Variants in CACNA1G observed in about 807,000 individuals in gnomAD.
CACNA1G encodes the protein calcium voltage-gated channel subunit alpha1 G, also known as voltage-dependent T-type calcium channel subunit alpha-1G.
Under a neutral mutation model 219.4 loss-of-function variants are expected in CACNA1G, and 67 were observed. That is an observed-to-expected ratio of 0.31 (90% CI 0.25 to 0.37). The LOEUF is 0.37. CACNA1G is among the 10% of genes least tolerant of loss of function. The pLI, the probability that CACNA1G is intolerant of heterozygous loss-of-function variation, is 1.00. For missense variants in CACNA1G, 2,380 were observed against 3,231.4 expected, an observed-to-expected ratio of 0.74 and a Z score of 6.39; for synonymous variants, 1,296 against 1,345.3, an observed-to-expected ratio of 0.96 and a Z score of 0.80.
chr17:50,575,864 C>T lies in CACNA1G; in HGVS notation c.1462C>T (p.Arg488Cys), dbSNP rs750863777. The change falls in exon 8 of 38, where the codon CGC becomes TGC. Residue 488 changes from arginine to cysteine, a missense_variant. Arg to Cys is a radical substitution (Grantham distance 180, BLOSUM62 -3). Transcript: ENST00000359106. ...PSSSCSRSHR[R>C]LSVHHLVHHH... ...CAGCAGCTGCTCTCGCTCCCACCGC[C>T]GCCTATCCGTCCACCACCTGGTGCA... 1.8e-5 allele frequency: 28 copies of T among 1,551,278 alleles called. No homozygotes were observed. The highest frequency in any genetic ancestry group is 8.3e-5 in the South Asian group (7 of 84,372).
chr17:50,590,420 C>G lies in CACNA1G; in HGVS notation c.2302-51C>G, dbSNP rs142761441. ...GTGTCCCATGTTTGGAGGACTGGAT[C>G]GAGGGGCTCAGTGATAAGCCAGCTG... On this transcript the variant is annotated intron_variant, in intron 9 of 37. Coordinates refer to ENST00000359106, the MANE Select transcript of CACNA1G (RefSeq NM_018896.5). 227 of 1,602,410 alleles carry G rather than the reference C, an allele frequency of 1.4e-4. No individual in the cohort carries two copies. In the African/African-American group the frequency reaches 2.6e-3, roughly 19 times the overall value.
In CACNA1G at chr17:50,621,595, T is replaced by TGCGTGTGCACGC. The variant is rs1392306361; in HGVS notation, c.5926-56_5926-45dup. 6.4e-7 allele frequency: 1 copy of TGCGTGTGCACGC among 1,563,332 alleles called. No individual in the cohort carries two copies. The highest frequency in any genetic ancestry group is 1.1e-5 in the South Asian group (1 of 88,148). On this transcript the variant is annotated intron_variant, in intron 34 of 37. Coordinates refer to ENST00000359106, the MANE Select transcript of CACNA1G (RefSeq NM_018896.5). This position sits in a 1 kb window ranked among gnomAD's most constrained non-coding sequence, Gnocchi z 4.6. ...TGGGGACTGAGAGAGAGCGCGTGTG[T>TGCGTGTGCACGC]GCGTGTGCACGCGCGTGTGCGCTGT... is the stretch of plus-strand genomic sequence containing the variant.
At chr17:50,566,644 A>T (rs2240220) in intron 1 of CACNA1G, among the ~76,000 whole-genome samples, 8,460 of 152,334 alleles carry the variant, frequency 0.056, 335 homozygotes, top group Non-Finnish European at 0.087. Flanking sequence ...CAAGGGAAAC[A>T]AGGCAGGAAG....
chr17:50,565,829 G>A lies in CACNA1G; in HGVS notation c.243-3041G>A, dbSNP rs181798982. Among the ~76,000 whole-genome samples the A allele has an allele frequency of 2.7e-3, 416 of 152,318 alleles. 4 individuals are homozygous for A. Among genetic ancestry groups the A allele is most frequent in the Non-Finnish European group, 1.7e-3 (119 of 68,020 alleles). On this transcript the variant is annotated intron_variant, in intron 1 of 37. Transcript: ENST00000359106. ...TGCTCTAGTTCTCTCTCCCAGGAGGGAGGAAAGGAGGAGGGATGGAAGTGG... is the reference window on the plus strand; with the variant it reads ...TGCTCTAGTTCTCTCTCCCAGGAGGAAGGAAAGGAGGAGGGATGGAAGTGG...
At chr17:50,623,078 G>A (rs2052557728) in intron 35 of CACNA1G, among the ~76,000 whole-genome samples, 1 of 149,596 alleles carries the variant, frequency 6.7e-6, no homozygotes, top group South Asian at 2.1e-4. Flanking sequence ...AGGGTCGTAG[G>A]GGCTGCTGTT....
At chr17:50,597,066 T>A in intron 16 of CACNA1G, 143 bp downstream of exon 16, 1 of 824,158 alleles carries the variant, frequency 1.2e-6, no homozygotes, top group Non-Finnish European at 1.8e-6. Flanking sequence ...GACAAGCCCC[T>A]GGGGAATCTG....
In CACNA1G at chr17:50,617,320, G is replaced by C. The variant is rs1416644009; in HGVS notation, c.5022-118G>C. The C allele has an allele frequency of 1.7e-6, 2 of 1,153,170 alleles. No individual in the cohort carries two copies. Among genetic ancestry groups the C allele is most frequent in the Non-Finnish European group, 2.4e-6 (2 of 825,016 alleles). The allele number at this position is 1,153,170 out of a possible 1,614,324, so 71.4% of individuals were successfully genotyped here. ...GCCACGCCTCTTCTCTGTGGGATGG[G>C]AGGCTGGACCCGCTGATGTCTGCCC... is the stretch of plus-strand genomic sequence containing the variant. On this transcript the variant is annotated intron_variant, in intron 28 of 37. Transcript: ENST00000359106. This position sits in a 1 kb window ranked among gnomAD's most constrained non-coding sequence, Gnocchi z 5.8.
chr17:50,604,215 A>G lies in CACNA1G; in HGVS notation c.4230A>G (p.Lys1410=), dbSNP rs1176469213. ...LVVETLMSSL[K]PIGNIVVICC... is the part of the protein sequence containing the mutation. ...TGGAGACGCTGATGTCCTCACTGAA[A>G]CCCATCGGCAACATTGTAGTCATCT... Residue 1410 remains lysine, a synonymous_variant, in exon 22 of 38, where the codon AAA becomes AAG. Coordinates refer to ENST00000359106, the MANE Select transcript of CACNA1G (RefSeq NM_018896.5). The G allele has an allele frequency of 9.9e-6, 16 of 1,613,282 alleles. No homozygotes were observed. The highest frequency in any genetic ancestry group is 1.4e-5 in the Non-Finnish European group (16 of 1,179,576).
At position 50,571,674 on chromosome 17, in the gene CACNA1G, G is replaced by A. The variant is rs184208844; in HGVS notation, c.587-204G>A. Among the ~76,000 whole-genome samples, 56 of 152,340 alleles carry A rather than the reference G, an allele frequency of 3.7e-4. 1 individual carries two copies. In the East Asian group the frequency reaches 9.1e-3, roughly 25 times the overall value. The stretch of plus-strand genomic sequence containing the variant: ...GTACTGTGCAGATTACCGTGGGCAA[G>A]CCACAAGGGGAAGTGGGTCGGGGCA... On this transcript the variant is annotated intron_variant, in intron 4 of 37. Transcript: ENST00000359106. This position sits in a 1 kb window ranked among gnomAD's most constrained non-coding sequence, Gnocchi z 4.3.
Position 50,572,093 on chromosome 17 carries a change from C to T in CACNA1G, c.746+56C>T, listed in dbSNP as rs541664239. On this transcript the variant is annotated intron_variant, in intron 5 of 37. Coordinates refer to ENST00000359106, the MANE Select transcript of CACNA1G (RefSeq NM_018896.5). ...TGGGAGTGGTTATGGGGCTGGGCAC[C>T]CCCCCAAGTTCCTCACTTCCGGTTG... 1.5e-5 allele frequency: 24 copies of T among 1,551,312 alleles called. No individual in the cohort carries two copies. The African/African-American group carries it at 3.1e-4, about 20-fold the overall frequency.
chr17:50,592,899 G>A (rs576695678), intron 13 of CACNA1G, among the ~76,000 whole-genome samples: 2 of 152,178 alleles, frequency 1.3e-5, no homozygotes, highest in African/African-American at 4.8e-5. Flanking sequence ...CTGCGGCCTG[G>A]TCTATAAATA....
At position 50,599,633 on chromosome 17, in the gene CACNA1G, G is replaced by T; in HGVS notation, c.3464G>T (p.Gly1155Val). Residue 1155 changes from glycine (G) to valine (V), a missense_variant, in exon 17 of 38, where the codon GGC becomes GTC. Physicochemically the swap from Gly to Val is moderately radical, Grantham distance 109 (BLOSUM62 -3). This residue lies in a region of CACNA1G where 418 missense variants were observed against 434.3 expected (regional missense o/e 0.96). Transcript: ENST00000359106. ...GAAGAGGAGCGGGCCAGCCCTGCGG[G>T]CAGTGACCATCGCCACAGGGGGTCC... ...SSEEERASPAGSDHRHRGSLE... is the reference protein window; with the variant it reads ...SSEEERASPAVSDHRHRGSLE... The T allele has an allele frequency of 6.2e-7, 1 of 1,612,982 alleles. No homozygotes were observed. The highest frequency in any genetic ancestry group is 8.5e-7 in the Non-Finnish European group (1 of 1,179,504).
At chr17:50,602,051 G>T (rs1027926377) in intron 19 of CACNA1G, among the ~76,000 whole-genome samples, 1 of 152,184 alleles carries the variant, frequency 6.6e-6, no homozygotes. Flanking sequence ...GGAGTCACAG[G>T]GTAAGGCAGG....
chr17:50,624,324 T>TGCCCCCCCCCCCCCCCCCCCGCCCCC, intron 36 of CACNA1G, 36 bp from the exon 37 acceptor site: 1 of 1,177,662 alleles, frequency 8.5e-7, no homozygotes, highest in Non-Finnish European at 1.2e-6. Context: ...CTCCATTCTC[T>TGCCCCCCCCCCCCCCCCCCCGCCCCC]CCCCCCACCC....
chr17:50,604,928 G>T (rs564778134), intron 22 of CACNA1G, among the ~76,000 whole-genome samples: 16 of 152,306 alleles, frequency 1.1e-4, no homozygotes, highest in Non-Finnish European at 1.8e-4. Flanking sequence ...GGGAGCCCCT[G>T]GGTGGCTACA....
intron 9 of CACNA1G, among the ~76,000 whole-genome samples, chr17:50,583,515 G>A (rs1568029869): frequency 1.3e-5 from 2 of 152,192 alleles, no homozygotes; most frequent in African/African-American, 4.8e-5. Context: ...TTTCATGGAT[G>A]ATTATGCCAA....
At position 50,572,807 on chromosome 17, in the gene CACNA1G, G is replaced by A; in HGVS notation, c.1000G>A (p.Ala334Thr). ...GGGGGAGCACAACCCCTTCAAGGGC[G>A]CCATCAACTTTGACAACATTGGCTA... ...SAGEHNPFKG[A>T]INFDNIGYAW... The change falls in exon 6 of 38, where the codon GCC (alanine) becomes ACC (threonine). Residue 334 changes from alanine to threonine, a missense_variant. Around this residue, in one of 17 missense-constraint regions of CACNA1G, gnomAD observed 72 missense variants for 175.8 expected, o/e 0.41. Transcript: ENST00000359106. 5 of 1,613,842 alleles carry A rather than the reference G, an allele frequency of 3.1e-6. No individual in the cohort carries two copies. The highest frequency in any genetic ancestry group is 2.2e-5 in the East Asian group (1 of 44,884).
chr17:50,624,635 G>A (rs935133650), intron 37 of CACNA1G, 106 bp downstream of exon 37: 2 of 1,147,864 alleles, frequency 1.7e-6, no homozygotes, highest in African/African-American at 1.6e-5. Context: ...TTTATTGTGT[G>A]CCAGTGATGT....
chr17:50,589,123 C>G (rs910725953), intron 9 of CACNA1G, among the ~76,000 whole-genome samples: 1 of 152,206 alleles, frequency 6.6e-6, no homozygotes, highest in Admixed American at 6.5e-5. Flanking sequence ...TCCAGACATC[C>G]ATCAGGTGGA....
Sources: gnomAD v4.1 joint callset for allele counts (sites outside exome capture counted in the v4.1 genomes callset) on GRCh38, gnomAD v4.1.1 for gene constraint, gnomAD v4.1.1 regional missense constraint, Gnocchi (gnomAD v3.1) non-coding constraint, MANE v1.5 for transcripts, NCBI Gene and HGNC (gene_info 2026-07-23, HGNC 2026-07-21) for gene names.